TLN2: variants seen among roughly 807,000 people sequenced by gnomAD.
The protein encoded by TLN2 is talin 2.
TLN2 carries 118 observed loss-of-function variants against 294.7 expected under a neutral mutation model. The observed-to-expected ratio is 0.40, with a 90% CI of 0.34 to 0.47. The LOEUF (loss-of-function observed/expected upper bound fraction) is 0.47, where lower values mean the gene tolerates loss of function less well. Among genes scored for constraint, TLN2 ranks in the 20% least tolerant of loss-of-function variants. The pLI is 0.84. For synonymous variants in TLN2, 1,431 were observed against 1,304.5 expected (o/e 1.10, Z -2.09); for missense variants, 3,083 against 3,282.2 (o/e 0.94, Z 1.48).
chr15:62,454,260 A>G (rs1049892003), intron 1 of TLN2, among the ~76,000 whole-genome samples: 10 of 152,082 alleles, frequency 6.6e-5, no homozygotes, highest in African/African-American at 2.2e-4. Context: ...CCTCCAGCAA[A>G]TGTTTGTGTG....
intron 22 of TLN2, among the ~76,000 whole-genome samples, chr15:62,714,734 T>C (rs369865447): frequency 6.6e-6 from 1 of 152,222 alleles, no homozygotes; most frequent in Admixed American, 6.5e-5. Flanking sequence ...ACGCAATGGT[T>C]AGACTTCCAA....
At chr15:62,553,002 G>T (rs1276977082) in intron 1 of TLN2, among the ~76,000 whole-genome samples, 1 of 152,156 alleles carries the variant, frequency 6.6e-6, no homozygotes, top group Non-Finnish European at 1.5e-5. Context: ...CGTGATATGT[G>T]ATTAAACAAG....
chr15:62,800,688 T>C lies in TLN2; in HGVS notation c.6396T>C (p.Thr2132=). 6.2e-7 allele frequency: 1 copy of C among 1,614,160 alleles called. No individual in the cohort carries two copies. ...MVTNVTSLLK[T]VKAVEDEATR... ...CCAATGTCACCTCGCTCCTCAAGAC[T>C]GTAAAGGCAGTGGAGGATGAGGCCA... The change falls in exon 50 of 59, where the codon ACT becomes ACC. Residue 2132 remains threonine, a synonymous_variant. Transcript: ENST00000636159.
At chr15:62,452,220 A>T (rs618475) in intron 1 of TLN2, among the ~76,000 whole-genome samples, 3 of 152,012 alleles carry the variant, frequency 2.0e-5, no homozygotes, top group South Asian at 2.1e-4. Context: ...AGGAGCCAGG[A>T]GGGCTTGCGA....
At chr15:62,809,774 G>A in intron 51 of TLN2, 151 bp from the exon 52 acceptor site, 1 of 677,636 alleles carries the variant, frequency 1.5e-6, no homozygotes. Context: ...GGAGGTGGCA[G>A]GAGGACGTAG....
intron 23 of TLN2, 111 bp downstream of exon 23, chr15:62,716,570 G>C: frequency 7.3e-7 from 1 of 1,371,898 alleles, no homozygotes; most frequent in Non-Finnish European, 9.6e-7. Flanking sequence ...CCAAGTCAAG[G>C]TTCACATCAT....
At chr15:62,517,163 C>T (rs958182597) in intron 1 of TLN2, among the ~76,000 whole-genome samples, 11 of 152,292 alleles carry the variant, frequency 7.2e-5, no homozygotes, top group Middle Eastern at 6.8e-3. Context: ...AAACCTTCGC[C>T]GTTCCTCCCA....
intron 1 of TLN2, among the ~76,000 whole-genome samples, chr15:62,505,139 A>G (rs917768049): frequency 6.6e-6 from 1 of 151,890 alleles, no homozygotes; most frequent in African/African-American, 2.4e-5. Flanking sequence ...TTGTATTTTT[A>G]GTAGAGACGG....
intron 40 of TLN2, among the ~76,000 whole-genome samples, chr15:62,764,074 G>C (rs367754053): frequency 3.8e-4 from 58 of 152,316 alleles, no homozygotes; most frequent in East Asian, 1.5e-3. Context: ...TATTTCATCA[G>C]TGTGCTTTTT....
chr15:62,419,312 A>G (rs1371792918), intron 1 of TLN2, among the ~76,000 whole-genome samples: 2 of 152,228 alleles, frequency 1.3e-5, no homozygotes, highest in Admixed American at 1.3e-4. Flanking sequence ...ATTTAAAATC[A>G]CATACACAGC....
chr15:62,787,568 A>T (rs2064768510), intron 45 of TLN2, among the ~76,000 whole-genome samples: 1 of 151,940 alleles, frequency 6.6e-6, no homozygotes, highest in Non-Finnish European at 1.5e-5. Context: ...CCCACATTTT[A>T]TGTCTTTGAG....
rs747892078 is a variant in TLN2, at chr15:62,697,737, G to A, written c.1342G>A (p.Gly448Ser). The A allele has an allele frequency of 5.8e-5, 94 of 1,610,258 alleles. No individual in the cohort carries two copies. The East Asian group carries it at 1.9e-3, about 33-fold the overall frequency. The change falls in exon 15 of 59, where the codon GGC becomes AGC. Residue 448 changes from glycine to serine, a missense_variant. Coordinates refer to ENST00000636159, the MANE Select transcript of TLN2 (RefSeq NM_015059.3). ...CAACCGGACCGGGAAGGCAGAGCAC[G>A]GCTCAGTGGCGCTGCCGGCCGTGAT... The part of the protein sequence containing the change: ...QFNRTGKAEH[G>S]SVALPAVMRS...
intron 1 of TLN2, among the ~76,000 whole-genome samples, chr15:62,442,682 T>G (rs989269009): frequency 2.6e-5 from 4 of 151,990 alleles, no homozygotes; most frequent in African/African-American, 9.7e-5. Context: ...TGTTTTTTCT[T>G]TCTCTATATT....
At chr15:62,544,895 C>T (rs778233714) in intron 1 of TLN2, among the ~76,000 whole-genome samples, 2 of 151,948 alleles carry the variant, frequency 1.3e-5, no homozygotes, top group Non-Finnish European at 2.9e-5. Context: ...GTGTTAATAA[C>T]CCCAGACTTG....
At chr15:62,743,111 C>T (rs2061429767) in intron 32 of TLN2, among the ~76,000 whole-genome samples, 1 of 152,166 alleles carries the variant, frequency 6.6e-6, no homozygotes, top group Non-Finnish European at 1.5e-5. Context: ...TCACCACATG[C>T]TCCGCTCATT....
intron 3 of TLN2, among the ~76,000 whole-genome samples, chr15:62,646,670 G>GATATCATT (rs769469350): frequency 4.4e-4 from 67 of 152,288 alleles, no homozygotes; most frequent in Non-Finnish European, 8.4e-4. Flanking sequence ...GTGCAGGGCT[G>GATATCATT]ATATCATTAT....
chr15:62,631,518 C>CTTCTTTTCCTTTCCT (rs2049840679), intron 3 of TLN2, among the ~76,000 whole-genome samples: 1 of 89,648 alleles, frequency 1.1e-5, no homozygotes, highest in Non-Finnish European at 2.1e-5. Flanking sequence ...TTCTTTCTTT[C>CTTCTTTTCCTTTCCT]TTCCTTTCCT....
intron 1 of TLN2, among the ~76,000 whole-genome samples, chr15:62,546,363 A>G (rs1339510153): frequency 6.6e-6 from 1 of 152,088 alleles, no homozygotes; most frequent in Non-Finnish European, 1.5e-5. Flanking sequence ...GCTGATAGAG[A>G]TATTGTGATT....
rs958384383 is a variant in TLN2 at position 62,717,692 on chromosome 15, G to A, written c.2877+3G>A. On this transcript the variant is annotated splice_donor_region_variant and intron_variant, in intron 24 of 58. Transcript: ENST00000636159. ...AGCAGCTGGTCCAGAGTTGCAAGGTGAGGTTCCAGTGCACAGAGAGCCAGG... is the reference window on the plus strand; with the variant it reads ...AGCAGCTGGTCCAGAGTTGCAAGGTAAGGTTCCAGTGCACAGAGAGCCAGG... The A allele has an allele frequency of 2.5e-6, 4 of 1,569,100 alleles. No homozygotes were observed. The highest frequency in any genetic ancestry group is 1.7e-4 in the Middle Eastern group (1 of 5,914).
Sources: allele counts gnomAD v4.1 joint callset (sites outside exome capture counted in the v4.1 genomes callset), GRCh38; gene constraint gnomAD v4.1.1; transcripts MANE v1.5; gene names NCBI Gene and HGNC (gene_info 2026-07-23, HGNC 2026-07-21).